Variants in ZDHHC7 observed in about 807,000 individuals in gnomAD.
ZDHHC7 encodes the protein palmitoyltransferase ZDHHC7.
A neutral mutation model predicts 34.1 loss-of-function variants in ZDHHC7; 12 were observed. The observed-to-expected ratio is 0.35, with a 90% confidence interval of 0.23 to 0.57. The LOEUF is 0.57. ZDHHC7 is among the 20% of genes least tolerant of loss of function. ZDHHC7 has a pLI of 0.84. For missense variants in ZDHHC7, 388 were observed against 402.7 expected, an observed-to-expected ratio of 0.96 and a Z score of 0.31; for synonymous variants, 185 against 155.4, an observed-to-expected ratio of 1.19 and a Z score of -1.42.
At chr16:84,987,217 G>A (rs1332969710) in intron 3 of ZDHHC7, among the ~76,000 whole-genome samples, 1 of 152,214 alleles carries the variant, frequency 6.6e-6, no homozygotes, top group Non-Finnish European at 1.5e-5. Context: ...GACTCCTGGT[G>A]GTTTCTGTCA....
chr16:85,012,465 C>T (rs994918226), upstream of ZDHHC7, among the ~76,000 whole-genome samples: 1 of 151,116 alleles, frequency 6.6e-6, no homozygotes, highest in Non-Finnish European at 1.5e-5. Context: ...TCAAAGATAC[C>T]ATTTAACTCA....
At chr16:84,989,786 T>C (rs1207327624) in intron 3 of ZDHHC7, among the ~76,000 whole-genome samples, 1 of 152,032 alleles carries the variant, frequency 6.6e-6, no homozygotes, top group Non-Finnish European at 1.5e-5. Flanking sequence ...CCAGTAGATT[T>C]TAAATTGACA....
At chr16:85,002,748 G>A (rs760135157) in intron 1 of ZDHHC7, among the ~76,000 whole-genome samples, 5 of 152,078 alleles carry the variant, frequency 3.3e-5, no homozygotes, top group Non-Finnish European at 5.9e-5. Context: ...TCGACAAAGC[G>A]GAATGATCCT....
intron 3 of ZDHHC7, chr16:84,988,907 C>T: frequency 6.5e-7 from 1 of 1,547,048 alleles, no homozygotes; most frequent in South Asian, 1.2e-5. Context: ...AATCGCTGAG[C>T]TGGACCTGGC....
chr16:84,984,267 C>T (rs185167580), intron 3 of ZDHHC7, among the ~76,000 whole-genome samples: 2 of 152,196 alleles, frequency 1.3e-5, no homozygotes, highest in Non-Finnish European at 2.9e-5. Flanking sequence ...GTGATCCAAC[C>T]GCCTCAGCTT....
At chr16:85,014,296 G>T (rs1050592231), upstream of ZDHHC7, among the ~76,000 whole-genome samples, 1 of 152,156 alleles carries the variant, frequency 6.6e-6, no homozygotes, top group Non-Finnish European at 1.5e-5. Context: ...TTTGGGGATC[G>T]TTTATAGAGA....
the ZDHHC7 span, among the ~76,000 whole-genome samples, chr16:85,027,574 G>C: frequency 6.6e-6 from 1 of 152,234 alleles, no homozygotes; most frequent in Non-Finnish European, 1.5e-5. Context: ...GCCAGCAAGG[G>C]GGCGCCGGGC....
In ZDHHC7 at chr16:84,990,563, T is replaced by C. The variant is rs1291796801; in HGVS notation, c.56A>G (p.Glu19Gly). 10 of 1,614,060 alleles carry C rather than the reference T, an allele frequency of 6.2e-6. No homozygotes were observed. Among genetic ancestry groups the C allele is most frequent in the Non-Finnish European group, 8.5e-6 (10 of 1,180,052 alleles). The change falls in exon 3 of 8, where the codon GAA becomes GGA. Residue 19 changes from glutamate to glycine, a missense_variant. By Grantham distance (98) the Glu-to-Gly change is moderately conservative (BLOSUM62 -2). Transcript: ENST00000313732. ...CGATGAAGAGTCATAGTTGTCATTT[T>C]CAGCCAGGAGAGGATGATGCTCGAC... ...RDVEHHPLLA[E>G]NDNYDSSSSS...
the ZDHHC7 span, among the ~76,000 whole-genome samples, chr16:85,022,357 C>T: frequency 6.6e-6 from 1 of 151,706 alleles, no homozygotes; most frequent in African/African-American, 2.4e-5. Context: ...CCTAACTCTA[C>T]TAAAAATACA....
chr16:84,988,269 A>G lies in ZDHHC7; in HGVS notation c.315+2035T>C, dbSNP rs1444575634. Among the ~76,000 whole-genome samples, 6 of 152,032 alleles carry G rather than the reference A, an allele frequency of 3.9e-5. No individual in the cohort carries two copies. The East Asian group carries it at 7.8e-4, about 20-fold the overall frequency. Reference sequence around the variant, plus strand: ...GGGTGGTGGGGTCGGGGAACTGGGAAGTGATGGCTAAGGGGTGTGGGGTTC... The same window carrying G: ...GGGTGGTGGGGTCGGGGAACTGGGAGGTGATGGCTAAGGGGTGTGGGGTTC... On this transcript the variant is annotated intron_variant, in intron 3 of 7. Transcript: ENST00000313732.
At position 84,974,337 on chromosome 16, in the gene ZDHHC7, CATT is replaced by C. The variant is rs2072266072; in HGVS notation, c.*2003_*2005del. ...AGGTCACTTGTCATGGGCACAAAAG[CATT>C]TAGAGTTTCTGGAAACTGTTTGGGA... On this transcript the variant is annotated 3_prime_UTR_variant, in exon 8 of 8. Coordinates refer to ENST00000313732, the MANE Select transcript of ZDHHC7 (RefSeq NM_017740.3). 1 of 152,164 alleles carries C rather than the reference CATT, an allele frequency of 6.6e-6. No individual in the cohort carries two copies. Among genetic ancestry groups the C allele is most frequent in the Admixed American group, 6.5e-5 (1 of 15,270 alleles). 9.4% of individuals were successfully genotyped at this position (152,164 alleles called of 1,614,324 possible). A position where few individuals can be genotyped will look rare whatever the true frequency, so the allele number is the denominator to read the frequency against.
At chr16:84,997,785 C>T (rs1423255609) in intron 1 of ZDHHC7, among the ~76,000 whole-genome samples, 2 of 144,928 alleles carry the variant, frequency 1.4e-5, no homozygotes, top group East Asian at 2.2e-4. Flanking sequence ...CCCAGCTACT[C>T]GGGAGGCTGA....
chr16:85,013,614 C>A (rs965636124), upstream of ZDHHC7, among the ~76,000 whole-genome samples: 3 of 152,164 alleles, frequency 2.0e-5, no homozygotes, highest in African/African-American at 7.2e-5. Context: ...TTACTCTTTC[C>A]CAAGTTTCTC....
intron 3 of ZDHHC7, among the ~76,000 whole-genome samples, chr16:84,989,270 C>T (rs751863706): frequency 2.0e-5 from 3 of 152,200 alleles, no homozygotes; most frequent in Non-Finnish European, 4.4e-5. Context: ...TGCCCATGAC[C>T]TCTACTAGTA....
the ZDHHC7 span, among the ~76,000 whole-genome samples, chr16:85,024,116 C>T: frequency 1.3e-5 from 2 of 152,106 alleles, no homozygotes; most frequent in Admixed American, 1.3e-4. Flanking sequence ...TGAGGTTTCA[C>T]CATGATGGCC....
intron 1 of ZDHHC7, among the ~76,000 whole-genome samples, chr16:84,999,654 G>C (rs1169922862): frequency 6.6e-6 from 1 of 152,144 alleles, no homozygotes; most frequent in Non-Finnish European, 1.5e-5. Flanking sequence ...TATTCTAAAT[G>C]AGGCAAACTC....
chr16:85,026,013 T>C, the ZDHHC7 span, among the ~76,000 whole-genome samples: 1 of 152,234 alleles, frequency 6.6e-6, no homozygotes, highest in African/African-American at 2.4e-5. Flanking sequence ...TTTTAAAAAA[T>C]GGTCATGTAA....
chr16:84,990,478 G>A lies in ZDHHC7; in HGVS notation c.141C>T (p.Gly47=). Residue 47 remains glycine, a synonymous_variant, in exon 3 of 8, where the codon GGC becomes GGT. Coordinates refer to ENST00000313732, the MANE Select transcript of ZDHHC7 (RefSeq NM_017740.3). ...DRVWFIRDGC[G]MICAVMTWLL... is the part of the protein sequence containing the mutation. The stretch of plus-strand genomic sequence containing the variant: ...GCCACGTCATGACAGCACAGATCAT[G>A]CCGCAGCCGTCACGGATGAACCAGA... The A allele has an allele frequency of 6.2e-7, 1 of 1,614,172 alleles. No individual in the cohort carries two copies. The highest frequency in any genetic ancestry group is 8.5e-7 in the Non-Finnish European group (1 of 1,180,022).
intron 1 of ZDHHC7, among the ~76,000 whole-genome samples, chr16:84,996,733 A>G (rs1159052889): frequency 6.6e-6 from 1 of 152,178 alleles, no homozygotes; most frequent in Non-Finnish European, 1.5e-5. Flanking sequence ...TCCATTATAA[A>G]AAAAGAAAGT....
Sources: gnomAD v4.1 joint callset for allele counts (sites outside exome capture counted in the v4.1 genomes callset) on GRCh38, gnomAD v4.1.1 for gene constraint, MANE v1.5 for transcripts, NCBI Gene and HGNC (gene_info 2026-07-23, HGNC 2026-07-21) for gene names.